The following CARMIL1 variants were observed in gnomAD, a reference collection of about 807,000 sequenced individuals.
CARMIL1 encodes the protein capping protein regulator and myosin 1 linker 1.
CARMIL1 carries 90 observed loss-of-function variants against 177.1 expected under a neutral mutation model. That is an observed-to-expected ratio of 0.51 (90% CI 0.43 to 0.61). The LOEUF (loss-of-function observed/expected upper bound fraction) is 0.61, where lower values mean the gene tolerates loss of function less well. Ranked by LOEUF, CARMIL1 falls within the 20% of genes least tolerant of loss-of-function variation. CARMIL1 has a pLI of 0.00. For missense variants in CARMIL1, 1,380 were observed against 1,667.0 expected (o/e 0.83, Z 3.00); for synonymous variants, 577 against 606.2 (o/e 0.95, Z 0.71).
rs776562326 is a variant in CARMIL1, at chr6:25,581,228, T to G, written c.2810-15T>G. 1 of 1,604,450 alleles carries G rather than the reference T, an allele frequency of 6.2e-7. No individual in the cohort carries two copies. Among genetic ancestry groups the G allele is most frequent in the South Asian group, 1.1e-5 (1 of 88,782 alleles). Reference sequence around the variant, plus strand: ...GCCTTGGGCTGTTTTTTTGTTTTTTTGTTTTTAATTTTAGAAATGGAGTTT... The same window carrying G: ...GCCTTGGGCTGTTTTTTTGTTTTTTGGTTTTTAATTTTAGAAATGGAGTTT... On this transcript the variant is annotated splice_polypyrimidine_tract_variant and intron_variant, in intron 30 of 36. Coordinates refer to ENST00000329474, the MANE Select transcript of CARMIL1 (RefSeq NM_017640.6).
chr6:25,465,790 C>G (rs1308315740), intron 8 of CARMIL1, 83 bp from the exon 9 acceptor site: 1 of 820,884 alleles, frequency 1.2e-6, no homozygotes, highest in East Asian at 2.4e-5. Flanking sequence ...AACAGGTGAA[C>G]TTGGATGTCA....
At chr6:25,531,510 G>A (rs963472498) in intron 24 of CARMIL1, among the ~76,000 whole-genome samples, 29 of 152,148 alleles carry the variant, frequency 1.9e-4, no homozygotes, top group African/African-American at 6.5e-4. Context: ...TGGTTTGAAT[G>A]TTTTACAGTA....
Position 25,435,704 on chromosome 6 carries a change from C to T in CARMIL1, c.371+100C>T, listed in dbSNP as rs1581931985. 11 of 1,306,852 alleles carry T rather than the reference C, an allele frequency of 8.4e-6. No homozygotes were observed. In the East Asian group the frequency reaches 3.0e-4, roughly 35 times the overall value. The allele number at this position is 1,306,852 out of a possible 1,614,324, so 81.0% of individuals were successfully genotyped here. ...CTTTTTACCCCTTCACTTAGTTCCTCTCTCAGACTTCCTTCTCCTCTTAAA... is the reference window on the plus strand; with the variant it reads ...CTTTTTACCCCTTCACTTAGTTCCTTTCTCAGACTTCCTTCTCCTCTTAAA... On this transcript the variant is annotated intron_variant, in intron 5 of 36. Transcript: ENST00000329474.
At chr6:25,485,503 T>C (rs1802550272) in intron 12 of CARMIL1, among the ~76,000 whole-genome samples, 1 of 152,214 alleles carries the variant, frequency 6.6e-6, no homozygotes, top group Non-Finnish European at 1.5e-5. Context: ...TGCATGATCT[T>C]GGCTCACTGC....
chr6:25,450,077 C>A, intron 6 of CARMIL1, 82 bp downstream of exon 6: 1 of 1,183,174 alleles, frequency 8.5e-7, no homozygotes, highest in Non-Finnish European at 1.2e-6. Flanking sequence ...TCCTAGTGTG[C>A]TACTGTAAAG....
chr6:25,459,238 C>CTTTCTTTCTTTCTTTCTTTCTTTCTT (rs1799826289), intron 8 of CARMIL1, among the ~76,000 whole-genome samples: 1 of 95,000 alleles, frequency 1.1e-5, no homozygotes, highest in African/African-American at 3.9e-5. Context: ...TTCTTTCTTT[C>CTTTCTTTCTTTCTTTCTTTCTTTCTT]TTTCTTTCTT....
intron 2 of CARMIL1, among the ~76,000 whole-genome samples, chr6:25,358,418 G>C (rs1788852979): frequency 6.6e-6 from 1 of 152,122 alleles, no homozygotes; most frequent in South Asian, 2.1e-4. Flanking sequence ...GAATATACAG[G>C]TAGGAGAAGC....
In CARMIL1 at chr6:25,560,787, G is replaced by A. The variant is rs577382206; in HGVS notation, c.2742+3937G>A. On this transcript the variant is annotated intron_variant, in intron 29 of 36. Transcript: ENST00000329474. ...TACCACATTGATTTCTGTAAAATAG[G>A]TGCTTACTAGCCCCAGATGAAATGA... Among the ~76,000 whole-genome samples the A allele has an allele frequency of 1.4e-4, 22 of 152,238 alleles. No homozygotes were observed. In the South Asian group the frequency reaches 3.5e-3, roughly 24 times the overall value.
chr6:25,547,752 G>A (rs957117419), intron 26 of CARMIL1, among the ~76,000 whole-genome samples: 4 of 152,142 alleles, frequency 2.6e-5, no homozygotes, highest in Non-Finnish European at 4.4e-5. Flanking sequence ...TTCTGGATGA[G>A]TGTTCATCAG....
chr6:25,546,677 A>C (rs1178355275), intron 26 of CARMIL1, among the ~76,000 whole-genome samples: 29 of 137,726 alleles, frequency 2.1e-4, no homozygotes, highest in African/African-American at 6.6e-4. Flanking sequence ...AACAAAAAAA[A>C]AAAAAAAAAA....
chr6:25,581,416 A>C lies in CARMIL1; in HGVS notation c.2983A>C (p.Lys995Gln), dbSNP rs781232073. The C allele has an allele frequency of 6.2e-6, 10 of 1,612,192 alleles. No individual in the cohort carries two copies. Among genetic ancestry groups the C allele is most frequent in the African/African-American group, 5.3e-5 (4 of 74,866 alleles). ...CAAGTTAAGGCCAAAAAGGAATAAG[A>C]AGCAGCAACCCACCCAAGCAGCGGT... ...FTKLRPKRNK[K>Q]QQPTQAAVCA... The change falls in exon 31 of 37, where the codon AAG becomes CAG. Residue 995 changes from lysine to glutamine, a missense_variant. Coordinates refer to ENST00000329474, the MANE Select transcript of CARMIL1 (RefSeq NM_017640.6).
At chr6:25,387,407 T>C (rs1378146146) in intron 2 of CARMIL1, among the ~76,000 whole-genome samples, 2 of 152,226 alleles carry the variant, frequency 1.3e-5, no homozygotes, top group East Asian at 3.8e-4. Flanking sequence ...AATAGCTGAA[T>C]CTGTTGAACA....
At chr6:25,351,747 C>G (rs1025076748) in intron 2 of CARMIL1, among the ~76,000 whole-genome samples, 6 of 152,108 alleles carry the variant, frequency 3.9e-5, no homozygotes, top group African/African-American at 1.4e-4. Context: ...CCCTGAGCCT[C>G]GTTGTCCTCC....
chr6:25,491,606 A>G (rs1454440873), intron 13 of CARMIL1, 126 bp from the exon 14 acceptor site: 2 of 550,476 alleles, frequency 3.6e-6, no homozygotes, highest in Non-Finnish European at 6.4e-6. Context: ...AATTCTGATA[A>G]TCCCCTTGGG....
Position 25,600,719 on chromosome 6 carries a change from A to C in CARMIL1, c.3525A>C (p.Gln1175His). Residue 1175 changes from glutamine to histidine, a missense_variant, in exon 33 of 37, where the codon CAA becomes CAC. Coordinates refer to ENST00000329474, the MANE Select transcript of CARMIL1 (RefSeq NM_017640.6). ...TGCTGGCAGAGATGAAAGCCAAGCAAGAGAAGAGAGCTGCGTGTGCGCAGA... is the reference window on the plus strand; with the variant it reads ...TGCTGGCAGAGATGAAAGCCAAGCACGAGAAGAGAGCTGCGTGTGCGCAGA... ...SGLLAEMKAK[Q>H]EKRAACAQKK... 1 of 1,562,914 alleles carries C rather than the reference A, an allele frequency of 6.4e-7. No individual in the cohort carries two copies. The highest frequency in any genetic ancestry group is 8.6e-7 in the Non-Finnish European group (1 of 1,157,226).
chr6:25,604,534 C>T (rs1258411118), intron 33 of CARMIL1, among the ~76,000 whole-genome samples: 2 of 152,138 alleles, frequency 1.3e-5, no homozygotes, highest in African/African-American at 4.8e-5. Flanking sequence ...ACTGACTTTC[C>T]CTGGCCCCAT....
intron 12 of CARMIL1, among the ~76,000 whole-genome samples, chr6:25,483,681 CA>C (rs11452946): frequency 2.0e-3 from 183 of 90,438 alleles, no homozygotes; most frequent in Middle Eastern, 0.013. Flanking sequence ...ATCTCTGTCT[CA>C]AAAAAAAAAA....
intron 5 of CARMIL1, among the ~76,000 whole-genome samples, chr6:25,449,110 T>G (rs1798533565): frequency 6.6e-6 from 1 of 152,146 alleles, no homozygotes; most frequent in South Asian, 2.1e-4. Context: ...CAGGCTGGCC[T>G]TGAATTCCTG....
rs200742552 is a variant in CARMIL1, at chr6:25,288,532, A to G, written c.138+3623A>G. Among the ~76,000 whole-genome samples the G allele has an allele frequency of 4.4e-5, 6 of 137,596 alleles. No individual in the cohort carries two copies. The East Asian group carries it at 8.4e-4, about 19-fold the overall frequency. The allele number at this position is 137,596 out of a possible 152,430, so 90.3% of individuals were successfully genotyped here. On this transcript the variant is annotated intron_variant, in intron 2 of 36. Transcript: ENST00000329474. ...AAAATCTTATGTTATAACAGTATCT[A>G]TTGGTATGTGGTTGCTTTGCATATC...
Sources: gnomAD v4.1 joint callset for allele counts (sites outside exome capture counted in the v4.1 genomes callset) on GRCh38, gnomAD v4.1.1 for gene constraint, MANE v1.5 for transcripts, NCBI Gene and HGNC (gene_info 2026-07-23, HGNC 2026-07-21) for gene names.